SP4: variants seen among roughly 807,000 people sequenced by gnomAD.
The protein encoded by SP4 is transcription factor Sp4.
Under a neutral mutation model 72.8 loss-of-function variants are expected in SP4, and 19 were observed. The ratio of observed to expected loss-of-function variants is 0.26; its 90% CI spans 0.18 to 0.38. SP4 has a LOEUF of 0.38. SP4 is among the 10% of genes least tolerant of loss of function. The pLI is 1.00. For missense variants in SP4, 1,008 were observed against 926.3 expected, an observed-to-expected ratio of 1.09 and a Z score of -1.14; for synonymous variants, 395 against 333.1, an observed-to-expected ratio of 1.19 and a Z score of -2.02.
At chr7:21,492,848 TG>T (rs1424031571) in intron 5 of SP4, among the ~76,000 whole-genome samples, 1 of 152,192 alleles carries the variant, frequency 6.6e-6, no homozygotes, top group Non-Finnish European at 1.5e-5. Flanking sequence ...CAAGAGCACA[TG>T]GAACATTCAC....
At chr7:21,460,516 C>T (rs548391928) in intron 3 of SP4, among the ~76,000 whole-genome samples, 1 of 152,260 alleles carries the variant, frequency 6.6e-6, no homozygotes, top group Admixed American at 6.5e-5. Flanking sequence ...TTGCGAAGAG[C>T]AAAAGAACAA....
Position 21,429,816 on chromosome 7 carries a change from G to A in SP4, c.651G>A (p.Gly217=), listed in dbSNP as rs767266704. The A allele has an allele frequency of 6.2e-7, 1 of 1,614,082 alleles. No homozygotes were observed. The change falls in exon 3 of 6, where the codon GGG becomes GGA. Residue 217 remains glycine (G), a synonymous_variant. Coordinates refer to ENST00000222584, the MANE Select transcript of SP4 (RefSeq NM_003112.5). ...CAGCTGCTAACAGGACAGCTTCTGG[G>A]AATATTCTTGCTCAAAACCTGGCAA... is the stretch of plus-strand genomic sequence containing the variant. ...ILTAANRTAS[G]NILAQNLANQ...
chr7:21,445,892 C>T (rs554227493), intron 3 of SP4, among the ~76,000 whole-genome samples: 3 of 152,080 alleles, frequency 2.0e-5, no homozygotes, highest in Admixed American at 2.0e-4. Context: ...GAGTTTGATA[C>T]ATCAGAGTGC....
Position 21,477,165 on chromosome 7 carries a change from A to C in SP4, c.1765A>C (p.Thr589Pro), listed in dbSNP as rs775414548. ...AGCAGTTGGAGGAATTGCTAATGCC[A>C]CGATAGGTGCTGTTAGTCCTGACCA... ...TVAVGGIANA[T>P]IGAVSPDQLT... Residue 589 changes from threonine to proline, a missense_variant, in exon 4 of 6, where the codon ACG (threonine) becomes CCG (proline). Around this residue, in one of 3 missense-constraint regions of SP4, gnomAD observed 893 missense variants for 743.3 expected, o/e 1.20. Transcript: ENST00000222584. 1.2e-6 allele frequency: 2 copies of C among 1,614,102 alleles called. No homozygotes were observed. The highest frequency in any genetic ancestry group is 1.6e-4 in the Middle Eastern group (1 of 6,084).
At chr7:21,439,173 GTGTGAACAA>G (rs1325303896) in intron 3 of SP4, among the ~76,000 whole-genome samples, 3 of 152,132 alleles carry the variant, frequency 2.0e-5, no homozygotes, top group Non-Finnish European at 4.4e-5. Context: ...TGTCACTTTA[GTGTGAACAA>G]TGTGATTACT....
chr7:21,461,502 GGC>G (rs1562602322), intron 3 of SP4, among the ~76,000 whole-genome samples: 1 of 152,216 alleles, frequency 6.6e-6, no homozygotes, highest in Non-Finnish European at 1.5e-5. Flanking sequence ...CACTGCCGGG[GGC>G]CAGCAGGGCC....
At chr7:21,486,408 C>A (rs1784812817) in intron 5 of SP4, among the ~76,000 whole-genome samples, 2 of 152,180 alleles carry the variant, frequency 1.3e-5, no homozygotes, top group Admixed American at 1.3e-4. Context: ...CTTTTCTTTT[C>A]CAGGATTCAG....
chr7:21,445,265 A>G lies in SP4; in HGVS notation c.1678+14422A>G, dbSNP rs191323397. Among the ~76,000 whole-genome samples, 406 of 152,254 alleles carry G rather than the reference A, an allele frequency of 2.7e-3. 4 individuals are homozygous for G. The highest frequency in any genetic ancestry group is 8.0e-3 in the African/African-American group (331 of 41,556). ...AAACCCCAAAAAGAATATACCTTGT[A>G]AGGCTTAAATTTCATGACTTGCTTC... On this transcript the variant is annotated intron_variant, in intron 3 of 5. Transcript: ENST00000222584.
rs145970157 is a variant in SP4, at chr7:21,501,257, G to A, written c.2108-9765G>A. 2.5e-3 allele frequency among the ~76,000 whole-genome samples: 379 copies of A among 152,184 alleles called. 1 individual carries two copies. The highest frequency in any genetic ancestry group is 8.2e-3 in the African/African-American group (340 of 41,528). On this transcript the variant is annotated intron_variant, in intron 5 of 5. Coordinates refer to ENST00000222584, the MANE Select transcript of SP4 (RefSeq NM_003112.5). ...ACCTTCTAGGTGCGTGAGCCGTGCAGTTTGTTACATCCGCAGGCTGGTTGC... is the reference window on the plus strand; with the variant it reads ...ACCTTCTAGGTGCGTGAGCCGTGCAATTTGTTACATCCGCAGGCTGGTTGC...
At chr7:21,442,188 G>A (rs1412993877) in intron 3 of SP4, among the ~76,000 whole-genome samples, 3 of 151,502 alleles carry the variant, frequency 2.0e-5, no homozygotes, top group Non-Finnish European at 2.9e-5. Context: ...ACAGGCACCC[G>A]CCACCACGCC....
Position 21,429,691 on chromosome 7 carries a change from G to A in SP4, c.526G>A (p.Gly176Ser). ...QVIPQLQTVEGQQIQINPTSS... is the reference protein window; with the variant it reads ...QVIPQLQTVESQQIQINPTSS... ...AATTCCACAACTTCAGACAGTGGAA[G>A]GTCAACAAATTCAAATCAATCCAAC... Residue 176 changes from glycine (G) to serine (S), a missense_variant, in exon 3 of 6, where the codon GGT (glycine) becomes AGT (serine). Gly to Ser is a moderately conservative substitution (Grantham distance 56). This residue lies in a region of SP4 where 893 missense variants were observed against 743.3 expected (regional missense o/e 1.20). Transcript: ENST00000222584. 6.2e-7 allele frequency: 1 copy of A among 1,614,142 alleles called. No homozygotes were observed. Among genetic ancestry groups the A allele is most frequent in the South Asian group, 1.1e-5 (1 of 91,084 alleles).
rs112848229 is a variant in SP4, at chr7:21,504,339, A to G, written c.2108-6683A>G. On this transcript the variant is annotated intron_variant, in intron 5 of 5. Transcript: ENST00000222584. ...AAGTGTGTTCCAACCCATTAAGCAT[A>G]TTTAGAATCAGTATATATAGTGCCT... 3.8e-3 allele frequency among the ~76,000 whole-genome samples: 574 copies of G among 152,254 alleles called. 3 individuals carry two copies. Among genetic ancestry groups the G allele is most frequent in the African/African-American group, 0.013 (520 of 41,524 alleles).
intron 1 of SP4, 113 bp from the exon 2 acceptor site, chr7:21,428,564 T>A: frequency 2.0e-6 from 2 of 1,011,484 alleles, no homozygotes; most frequent in Non-Finnish European, 2.9e-6. Flanking sequence ...GGATCGCGGG[T>A]TTATGGAGAT....
Position 21,429,937 on chromosome 7 carries a change from C to G in SP4, c.772C>G (p.Pro258Ala), listed in dbSNP as rs1157057656. Residue 258 changes from proline to alanine, a missense_variant, in exon 3 of 6, where the codon CCA becomes GCA. Pro to Ala is a conservative substitution (Grantham distance 27). Around this residue, in one of 3 missense-constraint regions of SP4, gnomAD observed 893 missense variants for 743.3 expected, o/e 1.20. Coordinates refer to ENST00000222584, the MANE Select transcript of SP4 (RefSeq NM_003112.5). Reference sequence around the variant, plus strand: ...TCAGGCTCAAGTTGTAACAACCCTACCAATTAACATTGGAGGAGTGACTCT... The same window carrying G: ...TCAGGCTCAAGTTGTAACAACCCTAGCAATTAACATTGGAGGAGTGACTCT... ...GTQAQVVTTL[P>A]INIGGVTLAL... The G allele has an allele frequency of 6.2e-7, 1 of 1,614,200 alleles. No homozygotes were observed. Among genetic ancestry groups the G allele is most frequent in the Non-Finnish European group, 8.5e-7 (1 of 1,180,034 alleles).
At position 21,482,144 on chromosome 7, in the gene SP4, G is replaced by A. The variant is rs375463916; in HGVS notation, c.2107+21G>A. 2.5e-6 allele frequency: 4 copies of A among 1,574,104 alleles called. No homozygotes were observed. In the African/African-American group the frequency reaches 4.1e-5, roughly 16 times the overall value. On this transcript the variant is annotated intron_variant, in intron 5 of 5. Coordinates refer to ENST00000222584, the MANE Select transcript of SP4 (RefSeq NM_003112.5). ...TACAGGTTAGTTGATTTTAGGACTT[G>A]TACTTTTTACTTATTTCTTCAGTTT...
intron 2 of SP4, among the ~76,000 whole-genome samples, 153 bp from the exon 3 acceptor site, chr7:21,429,136 A>G (rs1024469490): frequency 6.6e-6 from 1 of 152,096 alleles, no homozygotes; most frequent in Non-Finnish European, 1.5e-5. Context: ...GTTCTTATCT[A>G]CTTTTGTTCG....
intron 3 of SP4, among the ~76,000 whole-genome samples, chr7:21,475,121 T>G (rs988457650): frequency 2.8e-5 from 4 of 142,448 alleles, no homozygotes; most frequent in Middle Eastern, 3.5e-3. Flanking sequence ...TTGTTTTTTG[T>G]TTTTTTTTTT....
rs1289148827 is a variant in SP4 at position 21,512,518 on chromosome 7, A to T, written c.*1249A>T. On this transcript the variant is annotated 3_prime_UTR_variant, in exon 6 of 6. Transcript: ENST00000222584. ...TTCAGTGAAGTAAGTGACTAAAGAA[A>T]AAAACTATATTATTGTTTATGCAAG... The T allele has an allele frequency of 6.6e-6, 1 of 152,120 alleles. No homozygotes were observed. The highest frequency in any genetic ancestry group is 1.9e-4 in the East Asian group (1 of 5,192). The allele number at this position is 152,120 out of a possible 1,614,324, so 9.4% of individuals were successfully genotyped here. A position where few individuals can be genotyped will look rare whatever the true frequency, so the allele number is the denominator to read the frequency against.
chr7:21,477,848 TTC>T (rs1358835886), intron 4 of SP4, among the ~76,000 whole-genome samples: 2 of 152,130 alleles, frequency 1.3e-5, no homozygotes, highest in Non-Finnish European at 2.9e-5. Flanking sequence ...CCCATTTTTT[TTC>T]TTTTTCATAA....
Sources: allele counts gnomAD v4.1 joint callset (sites outside exome capture counted in the v4.1 genomes callset), GRCh38; gene constraint gnomAD v4.1.1; regional missense constraint gnomAD v4.1.1; transcripts MANE v1.5; gene names NCBI Gene and HGNC (gene_info 2026-07-23, HGNC 2026-07-21).